Variants in ADAMTS20 observed in about 807,000 individuals in gnomAD.
ADAMTS20 encodes the protein A disintegrin and metalloproteinase with thrombospondin motifs 20.
Under a neutral mutation model 260.1 loss-of-function variants are expected in ADAMTS20, and 225 were observed. That is an observed-to-expected ratio of 0.87 (90% CI 0.78 to 0.97). The LOEUF (loss-of-function observed/expected upper bound fraction) is 0.97. ADAMTS20 is among the 50% of genes least tolerant of loss of function. The probability of loss-of-function intolerance (pLI) is 0.00; values close to 1 mark genes in which losing one functional copy is unlikely to be tolerated. For synonymous variants in ADAMTS20, 802 were observed against 769.5 expected, an observed-to-expected ratio of 1.04 and a Z score of -0.70; for missense variants, 2,400 against 2,337.7, an observed-to-expected ratio of 1.03 and a Z score of -0.55.
chr12:43,490,134 C>T (rs748136123), intron 7 of ADAMTS20, among the ~76,000 whole-genome samples: 31 of 152,034 alleles, frequency 2.0e-4, no homozygotes, highest in Non-Finnish European at 4.0e-4. Context: ...TATTATTTCC[C>T]TTTAAATTGG....
chr12:43,458,715 G>A (rs1942009224), intron 11 of ADAMTS20, among the ~76,000 whole-genome samples: 1 of 152,134 alleles, frequency 6.6e-6, no homozygotes, highest in Admixed American at 6.6e-5. Flanking sequence ...CAATCAGTTT[G>A]ATGGTACTAT....
In ADAMTS20 at chr12:43,384,683, C is replaced by T. The variant is rs562329287; in HGVS notation, c.4453-706G>A. Among the ~76,000 whole-genome samples, 4 of 152,266 alleles carry T rather than the reference C, an allele frequency of 2.6e-5. No individual in the cohort carries two copies. In the East Asian group the frequency reaches 7.7e-4, roughly 29 times the overall value. On this transcript the variant is annotated intron_variant, in intron 29 of 38. Coordinates refer to ENST00000389420, the MANE Select transcript of ADAMTS20 (RefSeq NM_025003.5). ...ATGTGTTCTCATTGTTCAACTCCCA[C>T]TTATGAGTGAGAACATGCGGTGTTT...
At chr12:43,381,609 C>A (rs1179369260) in intron 31 of ADAMTS20, among the ~76,000 whole-genome samples, 2 of 123,826 alleles carry the variant, frequency 1.6e-5, no homozygotes, top group Non-Finnish European at 3.3e-5. Flanking sequence ...CAGGGAGACC[C>A]CATCTCTACA....
chr12:43,359,543 G>A (rs565879126), intron 37 of ADAMTS20, among the ~76,000 whole-genome samples: 11 of 152,216 alleles, frequency 7.2e-5, no homozygotes, highest in East Asian at 1.9e-4. Context: ...TTAAATAGTC[G>A]TAATAAGCTT....
At chr12:43,444,183 CTTA>C (rs1184685970) in intron 15 of ADAMTS20, among the ~76,000 whole-genome samples, 1 of 151,968 alleles carries the variant, frequency 6.6e-6, no homozygotes, top group African/African-American at 2.4e-5. Flanking sequence ...TCCTGAGACC[CTTA>C]GTACACATAC....
At chr12:43,396,165 G>C (rs1940698514) in intron 29 of ADAMTS20, among the ~76,000 whole-genome samples, 1 of 151,916 alleles carries the variant, frequency 6.6e-6, no homozygotes. Context: ...GTTTGTTCCT[G>C]TTTAGCAACA....
In ADAMTS20 at chr12:43,552,141, C is replaced by A. The variant is rs1943527706; in HGVS notation, c.-220G>T. ...CTTCATCGCACTGCAGCCTCACCCC[C>A]CTTCCTGCGCCCGCGCTGCCCTCAG... On this transcript the variant is annotated 5_prime_UTR_variant, in exon 1 of 39. Coordinates refer to ENST00000389420, the MANE Select transcript of ADAMTS20 (RefSeq NM_025003.5). Among the ~76,000 whole-genome samples, 1 of 152,238 alleles carries A rather than the reference C, an allele frequency of 6.6e-6. No homozygotes were observed. The highest frequency in any genetic ancestry group is 1.5e-5 in the Non-Finnish European group (1 of 68,044).
At chr12:43,393,788 T>C (rs1940644631) in intron 29 of ADAMTS20, among the ~76,000 whole-genome samples, 1 of 152,146 alleles carries the variant, frequency 6.6e-6, no homozygotes, top group South Asian at 2.1e-4. Context: ...ACTCTAGGAA[T>C]AAGTAATCCT....
intron 36 of ADAMTS20, among the ~76,000 whole-genome samples, chr12:43,374,881 G>C (rs1940187035): frequency 6.6e-6 from 1 of 152,110 alleles, no homozygotes; most frequent in Admixed American, 6.5e-5. Flanking sequence ...TTTTTATTAA[G>C]AGTCCCCAGC....
At chr12:43,550,476 T>C (rs925304584) in intron 2 of ADAMTS20, among the ~76,000 whole-genome samples, 1 of 152,170 alleles carries the variant, frequency 6.6e-6, no homozygotes, top group Admixed American at 6.5e-5. Context: ...TTTCATTTTA[T>C]GTATATTCAT....
At chr12:43,426,685 A>G (rs140579272) in intron 27 of ADAMTS20, among the ~76,000 whole-genome samples, 5 of 152,350 alleles carry the variant, frequency 3.3e-5, no homozygotes, top group Non-Finnish European at 5.9e-5. Context: ...CAAATGCATA[A>G]CTTAGTAATA....
chr12:43,479,955 T>G (rs1022082540), intron 7 of ADAMTS20, among the ~76,000 whole-genome samples: 13 of 152,156 alleles, frequency 8.5e-5, no homozygotes, highest in African/African-American at 2.9e-4. Flanking sequence ...CAGAAATAAA[T>G]TGAGACACAA....
intron 28 of ADAMTS20, among the ~76,000 whole-genome samples, chr12:43,416,817 C>T (rs775399474): frequency 2.7e-4 from 41 of 152,116 alleles, no homozygotes; most frequent in Non-Finnish European, 5.0e-4. Flanking sequence ...CCACCGCGCC[C>T]GGCCAAACTG....
intron 7 of ADAMTS20, among the ~76,000 whole-genome samples, chr12:43,473,929 T>TAGAAAAGCA (rs1217130318): frequency 1.2e-5 from 1 of 86,662 alleles, no homozygotes; most frequent in African/African-American, 4.5e-5. Flanking sequence ...TTAAAAGAAC[T>TAGAAAAGCA]AGAAAAGCAA....
Position 43,376,596 on chromosome 12 carries a change from G to T in ADAMTS20, c.5053C>A (p.His1685Asn). The stretch of plus-strand genomic sequence containing the variant: ...AAACATAAGTCACTGGACAAACCAT[G>T]TTTGGTAATGCATTTCACTTGTCTC... The part of the protein sequence containing the change: ...MKRQVKCITK[H>N]GLSSDLCLNH... Residue 1685 changes from histidine (H) to asparagine (N), a missense_variant, in exon 33 of 39, where the codon CAT (histidine) becomes AAT (asparagine). Physicochemically the swap from His to Asn is moderately conservative, Grantham distance 68. Coordinates refer to ENST00000389420, the MANE Select transcript of ADAMTS20 (RefSeq NM_025003.5). 1 of 1,613,462 alleles carries T rather than the reference G, an allele frequency of 6.2e-7. No homozygotes were observed. The highest frequency in any genetic ancestry group is 2.2e-5 in the East Asian group (1 of 44,854).
chr12:43,471,191 G>A (rs1220510357), intron 7 of ADAMTS20, among the ~76,000 whole-genome samples: 2 of 152,264 alleles, frequency 1.3e-5, no homozygotes, highest in Admixed American at 6.5e-5. Context: ...AAGGGGTCAG[G>A]GAGTTCCCTT....
chr12:43,401,647 C>A (rs1025755880), intron 28 of ADAMTS20, among the ~76,000 whole-genome samples: 4 of 151,634 alleles, frequency 2.6e-5, no homozygotes, highest in Admixed American at 6.6e-5. Flanking sequence ...TATTACTAGT[C>A]TAATCCAGAC....
chr12:43,394,777 A>G (rs1940665366), intron 29 of ADAMTS20, among the ~76,000 whole-genome samples: 1 of 152,110 alleles, frequency 6.6e-6, no homozygotes, highest in Non-Finnish European at 1.5e-5. Flanking sequence ...AGAAAGCTCA[A>G]CTAGACCTCT....
intron 2 of ADAMTS20, among the ~76,000 whole-genome samples, chr12:43,537,453 C>T (rs894369158): frequency 1.1e-4 from 16 of 152,078 alleles, no homozygotes; most frequent in Non-Finnish European, 1.8e-4. Flanking sequence ...GAAATAAGCA[C>T]ATCATGGGGA....
Sources: allele counts gnomAD v4.1 joint callset (sites outside exome capture counted in the v4.1 genomes callset), GRCh38; gene constraint gnomAD v4.1.1; transcripts MANE v1.5; gene names NCBI Gene and HGNC (gene_info 2026-07-23, HGNC 2026-07-21).